Variants in MFN2 observed in about 807,000 individuals in gnomAD.
The protein encoded by MFN2 is mitofusin-2.
MFN2 carries 43 observed loss-of-function variants against 87.5 expected under a neutral mutation model. That is an observed-to-expected ratio of 0.49 (90% CI 0.38 to 0.63). The LOEUF (loss-of-function observed/expected upper bound fraction) is 0.63, where lower values mean the gene tolerates loss of function less well. Among genes scored for constraint, MFN2 ranks in the 30% least tolerant of loss-of-function variants. The pLI is 0.00. For synonymous variants in MFN2, 337 were observed against 359.9 expected, an observed-to-expected ratio of 0.94 and a Z score of 0.72; for missense variants, 743 against 972.8, an observed-to-expected ratio of 0.76 and a Z score of 3.14.
intron 8 of MFN2, among the ~76,000 whole-genome samples, chr1:11,999,987 C>T (rs1427685203): frequency 2.0e-5 from 3 of 151,542 alleles, no homozygotes; most frequent in Non-Finnish European, 2.9e-5. Flanking sequence ...GTCCCAGCTA[C>T]GCGGGAGGCT....
At chr1:11,998,707 C>A in intron 6 of MFN2, 63 bp from the exon 7 acceptor site, 1 of 1,488,158 alleles carries the variant, frequency 6.7e-7, no homozygotes, top group Non-Finnish European at 9.4e-7. Flanking sequence ...CAGGTCTGTT[C>A]TCAGCAGGAA....
Position 12,003,872 on chromosome 1 carries a change from T to G in MFN2, c.1161-120T>G. On this transcript the variant is annotated intron_variant, in intron 11 of 18. Coordinates refer to ENST00000235329, the MANE Select transcript of MFN2 (RefSeq NM_014874.4). This position sits in a 1 kb window ranked among gnomAD's most constrained non-coding sequence, Gnocchi z 4.1. ...GGGGAAGGCCATGCCCCTGGGTGCGTGTGTGCAGCCCTGCCAGGCAAGATA... is the reference window on the plus strand; with the variant it reads ...GGGGAAGGCCATGCCCCTGGGTGCGGGTGTGCAGCCCTGCCAGGCAAGATA... 2 of 1,314,718 alleles carry G rather than the reference T, an allele frequency of 1.5e-6. No individual in the cohort carries two copies. The highest frequency in any genetic ancestry group is 2.2e-6 in the Non-Finnish European group (2 of 914,938). 81.4% of individuals were successfully genotyped at this position (1,314,718 alleles called of 1,614,324 possible).
intron 15 of MFN2, 147 bp from the exon 16 acceptor site, chr1:12,006,391 A>T (rs1245144192): frequency 1.1e-5 from 12 of 1,078,780 alleles, no homozygotes; most frequent in African/African-American, 9.3e-5. Flanking sequence ...CCTCTGCTAC[A>T]TCTGAAGCTA....
intron 2 of MFN2, chr1:11,982,707 A>T (rs1229519140): frequency 6.6e-6 from 1 of 152,194 alleles, no homozygotes; most frequent in Non-Finnish European, 1.5e-5. Context: ...CGAATAGCCT[A>T]GGTTGAGGCA....
rs116130822 is a variant in MFN2 at position 11,985,757 on chromosome 1, C to T, written c.-4-3408C>T. Reference sequence around the variant, plus strand: ...TGCTGGGATTACAGGCATGAGCCACCGTGCCTGACCCCTGATCCCTTTTCT... The same window carrying T: ...TGCTGGGATTACAGGCATGAGCCACTGTGCCTGACCCCTGATCCCTTTTCT... On this transcript the variant is annotated intron_variant, in intron 2 of 18. Transcript: ENST00000235329. 7.3e-3 allele frequency among the ~76,000 whole-genome samples: 1,105 copies of T among 152,248 alleles called. 6 individuals are homozygous for T. The highest frequency in any genetic ancestry group is 0.025 in the African/African-American group (1,040 of 41,538).
At chr1:11,988,833 T>C (rs1223827873) in intron 2 of MFN2, among the ~76,000 whole-genome samples, 1 of 152,104 alleles carries the variant, frequency 6.6e-6, no homozygotes, top group African/African-American at 2.4e-5. Flanking sequence ...CCCAAGTAGC[T>C]GGGATTACAG....
At chr1:12,001,733 A>C (rs764023803) in intron 9 of MFN2, 36 bp from the exon 10 acceptor site, 2 of 1,612,758 alleles carry the variant, frequency 1.2e-6, no homozygotes, top group Admixed American at 1.7e-5. Flanking sequence ...TCTGCTGCCA[A>C]GTTGTTTCTG....
At position 12,009,491 on chromosome 1, in the gene MFN2, G is replaced by A. The variant is rs1639593382; in HGVS notation, c.2070-101G>A. Reference sequence around the variant, plus strand: ...GGCTCAGGGCAGAGCTGCTGGCAGGGATATAGACAGGCCCAGCTGCTCCCT... The same window carrying A: ...GGCTCAGGGCAGAGCTGCTGGCAGGAATATAGACAGGCCCAGCTGCTCCCT... On this transcript the variant is annotated intron_variant, in intron 17 of 18. Coordinates refer to ENST00000235329, the MANE Select transcript of MFN2 (RefSeq NM_014874.4). The A allele has an allele frequency of 3.3e-6, 5 of 1,535,818 alleles. No homozygotes were observed. In the African/African-American group the frequency reaches 5.5e-5, roughly 17 times the overall value.
At chr1:11,997,485 A>C (rs1638963727) in intron 6 of MFN2, 64 bp downstream of exon 6, 2 of 1,608,142 alleles carry the variant, frequency 1.2e-6, no homozygotes, top group Non-Finnish European at 1.7e-6. Flanking sequence ...ATTTCTGGAT[A>C]ATCTAGGCCA....
chr1:12,008,956 G>A (rs1557536491), intron 17 of MFN2, among the ~76,000 whole-genome samples: 2 of 152,248 alleles, frequency 1.3e-5, no homozygotes, highest in South Asian at 2.1e-4. Context: ...CCGGCACCTC[G>A]GGAGGCCGAG....
intron 18 of MFN2, among the ~76,000 whole-genome samples, chr1:12,010,911 G>A (rs576798697): frequency 5.9e-5 from 9 of 152,174 alleles, no homozygotes; most frequent in African/African-American, 1.9e-4. Context: ...TCCTGCCCTC[G>A]CCCCTGACGT....
intron 3 of MFN2, 149 bp from the exon 4 acceptor site, chr1:11,992,406 T>G (rs912228939): frequency 5.1e-6 from 5 of 976,206 alleles, no homozygotes; most frequent in Non-Finnish European, 8.2e-6. Context: ...GGGGCCACCA[T>G]AGAGGATCTG....
chr1:11,996,099 G>A, intron 4 of MFN2, 57 bp from the exon 5 acceptor site: 1 of 1,611,206 alleles, frequency 6.2e-7, no homozygotes, highest in Admixed American at 1.7e-5. Flanking sequence ...TCTGCGTTGT[G>A]AAAGTAATTC....
rs776596376 is a variant in MFN2 at position 11,989,165 on chromosome 1, C to T, written c.-4C>T. 7.4e-6 allele frequency: 12 copies of T among 1,613,824 alleles called. No homozygotes were observed. The highest frequency in any genetic ancestry group is 2.2e-5 in the East Asian group (1 of 44,896). On this transcript the variant is annotated splice_region_variant and 5_prime_UTR_variant, in exon 3 of 19. It adds an upstream start codon to the 5' untranslated region. Coordinates refer to ENST00000235329, the MANE Select transcript of MFN2 (RefSeq NM_014874.4). ...TCGCTCACGTTAGCTTCTCTTGCAG[C>T]GCAATGTCCCTGCTCTTCTCTCGAT...
chr1:12,004,653 C>G lies in MFN2; in HGVS notation c.1392+40C>G, dbSNP rs1639324201. On this transcript the variant is annotated intron_variant, in intron 13 of 18. Transcript: ENST00000235329. The surrounding 1 kb of genome is among the most constrained non-coding windows in gnomAD (Gnocchi z 4.2). Reference sequence around the variant, plus strand: ...AACAGGTCCTCTTGGCAGGAGGCCCCCAAAAGTGATTCAACCCCTGTTGGT... The same window carrying G: ...AACAGGTCCTCTTGGCAGGAGGCCCGCAAAAGTGATTCAACCCCTGTTGGT... 6.3e-7 allele frequency: 1 copy of G among 1,591,972 alleles called. No individual in the cohort carries two copies. The highest frequency in any genetic ancestry group is 2.2e-5 in the East Asian group (1 of 44,766).
chr1:11,994,951 G>A (rs1638846512), intron 4 of MFN2, among the ~76,000 whole-genome samples: 2 of 152,094 alleles, frequency 1.3e-5, no homozygotes, highest in South Asian at 4.1e-4. Context: ...CTATTCTCAA[G>A]AAGCAGAAAT....
chr1:11,983,600 T>A (rs536450595), intron 2 of MFN2, among the ~76,000 whole-genome samples: 18 of 152,310 alleles, frequency 1.2e-4, no homozygotes, highest in Non-Finnish European at 2.4e-4. Flanking sequence ...GGTCCCCACG[T>A]GCCTGTGGCA....
At chr1:11,981,207 G>GT in intron 1 of MFN2, among the ~76,000 whole-genome samples, 1 of 152,262 alleles carries the variant, frequency 6.6e-6, no homozygotes, top group Middle Eastern at 3.4e-3. Context: ...GCTCAATGTA[G>GT]TTAAAAAAGG....
In MFN2 at chr1:11,997,380, T is replaced by C. The variant is rs1280915201; in HGVS notation, c.558T>C (p.Ser186=). The change falls in exon 6 of 19, where the codon TCT becomes TCC. Residue 186 remains serine (S), a synonymous_variant. Transcript: ENST00000235329. ...GSLVSVMWPN[S]KCPLLKDDLV... is the part of the protein sequence containing the mutation. The stretch of plus-strand genomic sequence containing the variant: ...TAGTGAGTGTGATGTGGCCCAACTC[T>C]AAGTGCCCACTTCTGAAGGATGACC... 6 of 1,614,156 alleles carry C rather than the reference T, an allele frequency of 3.7e-6. No individual in the cohort carries two copies. The highest frequency in any genetic ancestry group is 3.3e-5 in the South Asian group (3 of 91,086).
Sources: allele counts gnomAD v4.1 joint callset (sites outside exome capture counted in the v4.1 genomes callset), GRCh38; gene constraint gnomAD v4.1.1; non-coding constraint Gnocchi (gnomAD v3.1); transcripts MANE v1.5; gene names NCBI Gene and HGNC (gene_info 2026-07-23, HGNC 2026-07-21).